CPXM2: variants seen among roughly 807,000 people sequenced by gnomAD.
CPXM2 encodes inactive carboxypeptidase-like protein X2.
In CPXM2, 66 loss-of-function variants were observed where a neutral mutation model predicts 86.1. The ratio of observed to expected loss-of-function variants is 0.77; its 90% CI spans 0.63 to 0.94. The LOEUF (loss-of-function observed/expected upper bound fraction) is 0.94, where lower values mean the gene tolerates loss of function less well. Ranked by LOEUF, CPXM2 falls within the 40% of genes least tolerant of loss-of-function variation. The pLI, the probability that CPXM2 is intolerant of heterozygous loss-of-function variation, is 0.00. For missense variants in CPXM2, 948 were observed against 1,026.3 expected (o/e 0.92, Z 1.04); for synonymous variants, 388 against 400.2 (o/e 0.97, Z 0.36).
In CPXM2 at chr10:123,915,955, C is replaced by T. The variant is rs1945531332; in HGVS notation, n.174+23522G>A. Among the ~76,000 whole-genome samples the T allele has an allele frequency of 2.0e-5, 3 of 152,198 alleles. No homozygotes were observed. The South Asian group carries it at 6.2e-4, about 32-fold the overall frequency. On this transcript the variant is annotated intron_variant and non_coding_transcript_variant, in intron 2 of 19. Coordinates refer to the CPXM2 transcript ENST00000368854. The stretch of plus-strand genomic sequence containing the variant: ...CAATTTTCTGCTCCTGAAACCAGCA[C>T]CTAGCACCTGGCCATGACTCTCTGT...
rs925999388 is a variant in CPXM2, at chr10:123,780,096, T to C, written c.978+71A>G. On this transcript the variant is annotated intron_variant, in intron 7 of 13. Coordinates refer to ENST00000241305, the MANE Select transcript of CPXM2 (RefSeq NM_198148.3). ...CAATTTCTGGAAAAAAAAATTTAAG[T>C]GCTTATGGACACATAATATGTTGCT... The C allele has an allele frequency of 3.6e-5, 34 of 955,406 alleles. No homozygotes were observed. In the Middle Eastern group the frequency reaches 6.7e-4, roughly 19 times the overall value. The allele number at this position is 955,406 out of a possible 1,614,324, so 59.2% of individuals were successfully genotyped here. A position where few individuals can be genotyped will look rare whatever the true frequency, so the allele number is the denominator to read the frequency against.
At chr10:123,765,078 T>C (rs776217333) in intron 10 of CPXM2, among the ~76,000 whole-genome samples, 6 of 152,220 alleles carry the variant, frequency 3.9e-5, no homozygotes, top group Non-Finnish European at 5.9e-5. Context: ...TTTAATTGTA[T>C]GGTGGTGAGA....
chr10:123,896,857 G>C (rs1010731503), upstream of CPXM2, among the ~76,000 whole-genome samples: 5 of 152,208 alleles, frequency 3.3e-5, no homozygotes, highest in African/African-American at 9.7e-5. Context: ...GATCACATTT[G>C]ACCTTTGTAA....
chr10:123,760,582 T>C (rs1846309319), intron 11 of CPXM2, among the ~76,000 whole-genome samples: 1 of 152,190 alleles, frequency 6.6e-6, no homozygotes, highest in Non-Finnish European at 1.5e-5. Flanking sequence ...AGTCAAATAA[T>C]ATTGATGCTT....
In CPXM2 at chr10:123,754,508, G is replaced by A. The variant is rs1846154319; in HGVS notation, c.2017+155C>T. 6.6e-6 allele frequency among the ~76,000 whole-genome samples: 1 copy of A among 152,184 alleles called. No homozygotes were observed. Among genetic ancestry groups the A allele is most frequent in the African/African-American group, 2.4e-5 (1 of 41,444 alleles). ...CAGGCTGAAAACCTCCCTTCCAAGG[G>A]TCTCTTGAAAAGTGGGAAATTTAGA... On this transcript the variant is annotated intron_variant, in intron 13 of 13. Coordinates refer to ENST00000241305, the MANE Select transcript of CPXM2 (RefSeq NM_198148.3). The surrounding 1 kb of genome is among the most constrained non-coding windows in gnomAD (Gnocchi z 4.0).
intron 3 of CPXM2, among the ~76,000 whole-genome samples, chr10:123,853,482 A>C (rs190878939): frequency 6.6e-6 from 1 of 152,334 alleles, no homozygotes; most frequent in East Asian, 1.9e-4. Flanking sequence ...ATATTTGCTA[A>C]GTGCTCAGGG....
intron 7 of CPXM2, among the ~76,000 whole-genome samples, chr10:123,775,294 C>T (rs2134017548): frequency 6.6e-6 from 1 of 152,352 alleles, no homozygotes; most frequent in Middle Eastern, 3.4e-3. Context: ...TCATTCTCAG[C>T]CAACAGCATC....
rs568628725 is a variant in CPXM2, at chr10:123,878,920, T to C, written c.403+1291A>G. ...GGTCCATTCAAGGTGAGGAGTCCTA[T>C]TACCCCCCATCTAGAGACGACCCCA... On this transcript the variant is annotated intron_variant, in intron 2 of 13. Transcript: ENST00000241305. Among the ~76,000 whole-genome samples, 4 of 152,046 alleles carry C rather than the reference T, an allele frequency of 2.6e-5. No homozygotes were observed. The South Asian group carries it at 6.2e-4, about 24-fold the overall frequency.
At chr10:123,889,202 G>A (rs1449722121) in intron 1 of CPXM2, among the ~76,000 whole-genome samples, 1 of 152,210 alleles carries the variant, frequency 6.6e-6, no homozygotes, top group Admixed American at 6.5e-5. Context: ...AGGCCAGGCT[G>A]TGACTTTCTG....
chr10:123,854,453 TATATATA>T (rs1426739244), intron 3 of CPXM2, among the ~76,000 whole-genome samples: 2 of 131,086 alleles, frequency 1.5e-5, no homozygotes, highest in Non-Finnish European at 3.1e-5. Context: ...TTATATATAA[TATATATA>T]ATATATATTT....
chr10:123,836,632 A>G (rs1347368068), intron 4 of CPXM2, among the ~76,000 whole-genome samples: 3 of 151,962 alleles, frequency 2.0e-5, no homozygotes, highest in East Asian at 1.9e-4. Context: ...CAGATCTTAC[A>G]CTCTCTGAGT....
intron 10 of CPXM2, among the ~76,000 whole-genome samples, chr10:123,763,345 C>T (rs2133991205): frequency 6.6e-6 from 1 of 152,240 alleles, no homozygotes. Flanking sequence ...TGGAAAACAC[C>T]TGTGAACCCA....
At chr10:123,775,336 C>T (rs1846760062) in intron 7 of CPXM2, among the ~76,000 whole-genome samples, 1 of 152,212 alleles carries the variant, frequency 6.6e-6, no homozygotes, top group South Asian at 2.1e-4. Flanking sequence ...GCAGGCAATT[C>T]ACTGTCTTAC....
upstream of CPXM2, among the ~76,000 whole-genome samples, chr10:123,940,454 A>C (rs1564827583): frequency 1.3e-5 from 2 of 152,190 alleles, no homozygotes; most frequent in African/African-American, 4.8e-5. Context: ...TCCACCCCAG[A>C]ACCCACCTGG....
intron 4 of CPXM2, among the ~76,000 whole-genome samples, chr10:123,821,737 G>A (rs533839653): frequency 6.6e-6 from 1 of 152,280 alleles, no homozygotes; most frequent in South Asian, 2.1e-4. Flanking sequence ...CTAGTGGGTG[G>A]AGGCCAAGGA....
chr10:123,889,932 A>AT (rs1945240412), intron 1 of CPXM2, among the ~76,000 whole-genome samples: 2 of 152,134 alleles, frequency 1.3e-5, no homozygotes. Context: ...TTAAAAAAAA[A>AT]CTAGAATGCA....
chr10:123,938,487 T>C (rs1191927257), intron 2 of CPXM2, among the ~76,000 whole-genome samples: 1 of 152,090 alleles, frequency 6.6e-6, no homozygotes, highest in African/African-American at 2.4e-5. Context: ...TCTTTCCCCT[T>C]GTCTCTTTCT....
intron 2 of CPXM2, among the ~76,000 whole-genome samples, chr10:123,935,275 A>C (rs932538811): frequency 1.1e-4 from 16 of 152,184 alleles, no homozygotes; most frequent in African/African-American, 3.9e-4. Flanking sequence ...TCTCAGGGAG[A>C]GCTGCACTTT....
At chr10:123,943,340 T>G (rs1945794328), upstream of CPXM2, among the ~76,000 whole-genome samples, 1 of 152,186 alleles carries the variant, frequency 6.6e-6, no homozygotes, top group African/African-American at 2.4e-5. Flanking sequence ...GGGCAAAGCA[T>G]TTGGATGTAC....
Sources: gnomAD v4.1 joint callset for allele counts (sites outside exome capture counted in the v4.1 genomes callset) on GRCh38, gnomAD v4.1.1 for gene constraint, Gnocchi (gnomAD v3.1) non-coding constraint, MANE v1.5 for transcripts, NCBI Gene and HGNC (gene_info 2026-07-23, HGNC 2026-07-21) for gene names.